Variants in KHDC1 observed in about 807,000 individuals in gnomAD.
KHDC1 encodes the protein KH homology domain-containing protein 1.
KHDC1 carries 21 observed loss-of-function variants against 24.7 expected under a neutral mutation model. The ratio of observed to expected loss-of-function variants is 0.85; its 90% confidence interval spans 0.60 to 1.23. KHDC1 has a LOEUF of 1.23. KHDC1 is among the 50% of genes most tolerant of loss of function. The pLI is 0.00. For synonymous variants in KHDC1, 98 were observed against 111.7 expected, an observed-to-expected ratio of 0.88 and a Z score of 0.77; for missense variants, 274 against 298.5, an observed-to-expected ratio of 0.92 and a Z score of 0.61.
At chr6:73,292,692 G>A in intron 1 of KHDC1, 1 of 750,856 alleles carries the variant, frequency 1.3e-6, no homozygotes, top group African/African-American at 1.7e-5. Context: ...ATCTTAATGT[G>A]TCCACACATT....
intron 1 of KHDC1, among the ~76,000 whole-genome samples, chr6:73,295,648 C>G (rs1035631999): frequency 2.0e-5 from 3 of 151,740 alleles, no homozygotes; most frequent in African/African-American, 7.3e-5. Context: ...GAGTTCGACA[C>G]CCGCCTGGCT....
chr6:73,242,284 T>C (rs1349542086), intron 3 of KHDC1, 47 bp from the exon 3 acceptor site: 4 of 1,604,686 alleles, frequency 2.5e-6, no homozygotes, highest in Admixed American at 1.7e-5. Context: ...CACCAGCCCT[T>C]AGGGAATGGG....
At chr6:73,269,450 C>G (rs1026310580) in intron 2 of KHDC1, 4 of 152,762 alleles carry the variant, frequency 2.6e-5, no homozygotes, top group African/African-American at 9.6e-5. Flanking sequence ...AGGCGGGTCT[C>G]AAACTCCCAA....
intron 2 of KHDC1, among the ~76,000 whole-genome samples, chr6:73,279,678 C>T (rs1345927253): frequency 6.7e-6 from 1 of 148,392 alleles, no homozygotes; most frequent in Non-Finnish European, 1.5e-5. Flanking sequence ...CTCTTAGGCT[C>T]GAGCAATCCT....
At chr6:73,290,221 G>T (rs1432232301) in intron 2 of KHDC1, among the ~76,000 whole-genome samples, 1 of 151,346 alleles carries the variant, frequency 6.6e-6, no homozygotes, top group Non-Finnish European at 1.5e-5. Flanking sequence ...AAGTTGGAGT[G>T]AGCTGACATC....
exon 3 of KHDC1, chr6:73,242,489 T>TTGC: frequency 6.2e-7 from 1 of 1,614,176 alleles, no homozygotes. Context: ...CCACGGCTTC[T>TTGC]TGCTGAGAGC....
In KHDC1 at chr6:73,278,884, G is replaced by A. The variant is rs543649311; in HGVS notation, c.206+13114C>T. On this transcript the variant is annotated intron_variant, in intron 2 of 4. Coordinates refer to ENST00000370384, the Ensembl canonical transcript of KHDC1. ...ATTGTACACGAATTTTACAGATGAG[G>A]ACAGTGTGAGAACATCAAATAACGT... 2.6e-5 allele frequency among the ~76,000 whole-genome samples: 4 copies of A among 152,166 alleles called. No homozygotes were observed. The South Asian group carries it at 8.3e-4, about 31-fold the overall frequency.
At chr6:73,268,738 T>C (rs1222187545) in intron 2 of KHDC1, 1 of 152,290 alleles carries the variant, frequency 6.6e-6, no homozygotes, top group Non-Finnish European at 1.5e-5. Context: ...CTGATTGGTG[T>C]ATTTACAATC....
chr6:73,253,565 A>T lies in KHDC1; in HGVS notation c.207-11035T>A, dbSNP rs569654717. On this transcript the variant is annotated intron_variant, in intron 2 of 4. Transcript: ENST00000370384. The stretch of plus-strand genomic sequence containing the variant: ...GAGAGTCCGTCTCAAAAAAAAAAAT[A>T]AATAAATAATAAAATAAAATAAACA... 1.7e-4 allele frequency among the ~76,000 whole-genome samples: 26 copies of T among 151,734 alleles called. 1 individual carries two copies. Among genetic ancestry groups the T allele is most frequent in the African/African-American group, 6.3e-4 (26 of 41,404 alleles).
At chr6:73,288,793 AC>A (rs1767568728) in intron 2 of KHDC1, among the ~76,000 whole-genome samples, 1 of 96,840 alleles carries the variant, frequency 1.0e-5, no homozygotes, top group Non-Finnish European at 2.0e-5. Flanking sequence ...GTATAGTAAG[AC>A]CCCCATCTCA....
At chr6:73,308,258 T>C (rs963329667) in intron 1 of KHDC1, among the ~76,000 whole-genome samples, 9 of 151,606 alleles carry the variant, frequency 5.9e-5, no homozygotes, top group African/African-American at 1.7e-4. Flanking sequence ...GTATTTTTAG[T>C]AGAGACAGGG....
At chr6:73,260,071 G>A (rs1766953018) in intron 2 of KHDC1, among the ~76,000 whole-genome samples, 1 of 152,036 alleles carries the variant, frequency 6.6e-6, no homozygotes, top group Non-Finnish European at 1.5e-5. Flanking sequence ...TTTTCTTGAT[G>A]GTCTATATCA....
chr6:73,307,199 G>A (rs567422403), intron 1 of KHDC1, among the ~76,000 whole-genome samples: 1 of 152,058 alleles, frequency 6.6e-6, no homozygotes, highest in South Asian at 2.1e-4. Flanking sequence ...GGAGGCTGAG[G>A]CGGGTGGATC....
intron 2 of KHDC1, chr6:73,263,141 C>G (rs946156478): frequency 4.0e-6 from 4 of 991,226 alleles, no homozygotes; most frequent in Non-Finnish European, 4.8e-6. Flanking sequence ...CGCACCCGAC[C>G]CTTCCAGGGG....
At chr6:73,250,207 T>C (rs1766752878) in intron 2 of KHDC1, among the ~76,000 whole-genome samples, 1 of 152,186 alleles carries the variant, frequency 6.6e-6, no homozygotes, top group South Asian at 2.1e-4. Flanking sequence ...AATAGAACCC[T>C]GTTTAGTGCT....
At chr6:73,265,944 C>T (rs76964926) in intron 2 of KHDC1, among the ~76,000 whole-genome samples, 10 of 151,962 alleles carry the variant, frequency 6.6e-5, no homozygotes, top group African/African-American at 2.2e-4. Flanking sequence ...TGGGGGGAGA[C>T]GAGGTCTGGC....
intron 2 of KHDC1, chr6:73,274,638 GA>G: frequency 6.6e-6 from 1 of 152,426 alleles, no homozygotes; most frequent in Non-Finnish European, 1.5e-5. Context: ...ACCACCTTGT[GA>G]AAAGGTGCCT....
chr6:73,265,564 G>A (rs1767067639), intron 2 of KHDC1, among the ~76,000 whole-genome samples: 1 of 150,546 alleles, frequency 6.6e-6, no homozygotes, highest in Non-Finnish European at 1.5e-5. Context: ...TAACGTGACT[G>A]GTCACTGTGA....
At chr6:73,257,429 G>T (rs1015869923) in intron 2 of KHDC1, among the ~76,000 whole-genome samples, 3 of 152,190 alleles carry the variant, frequency 2.0e-5, no homozygotes, top group African/African-American at 7.2e-5. Context: ...GTTTTGAGAC[G>T]AAGTCTCACT....
Sources: gnomAD v4.1 joint callset for allele counts (sites outside exome capture counted in the v4.1 genomes callset) on GRCh38, gnomAD v4.1.1 for gene constraint, MANE v1.5 for transcripts, NCBI Gene and HGNC (gene_info 2026-07-23, HGNC 2026-07-21) for gene names.